The following FAM13B variants were observed in gnomAD, a reference collection of about 807,000 sequenced individuals.
FAM13B encodes the protein family with sequence similarity 13 member B.
Under a neutral mutation model 117.3 loss-of-function variants are expected in FAM13B, and 60 were observed. The observed-to-expected ratio is 0.51, with a 90% CI of 0.42 to 0.63. The LOEUF is 0.63. Ranked by LOEUF, FAM13B falls within the 30% of genes least tolerant of loss-of-function variation. The pLI, the probability that FAM13B is intolerant of heterozygous loss-of-function variation, is 0.00. For missense variants in FAM13B, 972 were observed against 1,091.9 expected (o/e 0.89, Z 1.55); for synonymous variants, 332 against 356.1 (o/e 0.93, Z 0.76).
intron 7 of FAM13B, among the ~76,000 whole-genome samples, chr5:138,000,924 TGTCTC>T (rs1302262538): frequency 1.4e-4 from 17 of 121,112 alleles, no homozygotes; most frequent in African/African-American, 5.4e-4. Flanking sequence ...AGCAAGACAC[TGTCTC>T]AAAAAACAAA....
Position 137,954,150 on chromosome 5 carries a change from C to T in FAM13B, c.1718+16G>A, listed in dbSNP as rs1489472487. Reference sequence around the variant, plus strand: ...TAATAGGAATTGCCTCTTGTAAGTACATAAAAATCATATACCTAGTAAAAG... The same window carrying T: ...TAATAGGAATTGCCTCTTGTAAGTATATAAAAATCATATACCTAGTAAAAG... On this transcript the variant is annotated intron_variant, in intron 15 of 23. Coordinates refer to ENST00000689681, the MANE Select transcript of FAM13B (RefSeq NM_001385994.1). 1.3e-6 allele frequency: 2 copies of T among 1,586,006 alleles called. No individual in the cohort carries two copies. The highest frequency in any genetic ancestry group is 1.4e-5 in the African/African-American group (1 of 73,322).
At chr5:137,962,988 T>C (rs2150313606) in intron 10 of FAM13B, among the ~76,000 whole-genome samples, 1 of 152,212 alleles carries the variant, frequency 6.6e-6, no homozygotes, top group African/African-American at 2.4e-5. Context: ...CCCCCCAAAC[T>C]AAAAACCTAC....
chr5:137,988,685 TGGCCAAATGC>T (rs1252303979), intron 7 of FAM13B, among the ~76,000 whole-genome samples: 1 of 152,230 alleles, frequency 6.6e-6, no homozygotes, highest in Non-Finnish European at 1.5e-5. Flanking sequence ...TTAATTAACT[TGGCCAAATGC>T]ATATGGCCAT....
chr5:137,999,303 C>T (rs901255171), intron 7 of FAM13B, among the ~76,000 whole-genome samples: 3 of 151,962 alleles, frequency 2.0e-5, no homozygotes, highest in Non-Finnish European at 4.4e-5. Context: ...TCTGGCCAGG[C>T]GCAGTGGCTC....
At position 138,041,174 on chromosome 5, in the gene FAM13B, G is replaced by A. The variant is rs193185819; in HGVS notation, c.-203+10704C>T. On this transcript the variant is annotated intron_variant, in intron 1 of 3. Coordinates refer to the FAM13B transcript ENST00000502471. ...AATAGAAGCCAAATGATACTGCAGCGTATCTTCAAAATGTTAAGAGAAAAT... is the reference window on the plus strand; with the variant it reads ...AATAGAAGCCAAATGATACTGCAGCATATCTTCAAAATGTTAAGAGAAAAT... 4.6e-5 allele frequency among the ~76,000 whole-genome samples: 7 copies of A among 152,082 alleles called. No homozygotes were observed. In the East Asian group the frequency reaches 7.7e-4, roughly 17 times the overall value.
chr5:138,002,442 A>G (rs895340074), intron 7 of FAM13B, among the ~76,000 whole-genome samples: 4 of 151,914 alleles, frequency 2.6e-5, no homozygotes, highest in Admixed American at 2.6e-4. Flanking sequence ...GAGGCAGTAG[A>G]ATTGAGAACC....
chr5:137,954,397 A>G, intron 14 of FAM13B, 21 bp from the exon 15 acceptor site: 1 of 1,594,324 alleles, frequency 6.3e-7, no homozygotes, highest in Admixed American at 1.7e-5. Context: ...AACACAAAGA[A>G]TAGTACCATG....
At chr5:138,000,951 A>G (rs1364518252) in intron 7 of FAM13B, among the ~76,000 whole-genome samples, 1 of 151,956 alleles carries the variant, frequency 6.6e-6, no homozygotes, top group African/African-American at 2.4e-5. Flanking sequence ...AACAAAAAAA[A>G]AAAAAACAGC....
At chr5:137,968,622 G>A (rs1251556122) in intron 10 of FAM13B, among the ~76,000 whole-genome samples, 1 of 152,144 alleles carries the variant, frequency 6.6e-6, no homozygotes, top group African/African-American at 2.4e-5. Flanking sequence ...TGGCCGAATA[G>A]GAACGGCTCT....
intron 11 of FAM13B, among the ~76,000 whole-genome samples, chr5:137,961,323 C>T (rs1278252921): frequency 6.8e-6 from 1 of 147,590 alleles, no homozygotes; most frequent in African/African-American, 2.6e-5. Flanking sequence ...AAAACAACAA[C>T]AACAACAACA....
At chr5:138,032,681 G>A in intron 1 of FAM13B, 101 bp downstream of exon 1, 1 of 972,692 alleles carries the variant, frequency 1.0e-6, no homozygotes. Flanking sequence ...CCGAGAGCAG[G>A]CGCGGGTGGC....
At position 138,019,094 on chromosome 5, in the gene FAM13B, G is replaced by A. The variant is rs1434731858; in HGVS notation, c.18C>T (p.Ser6=). The A allele has an allele frequency of 4.3e-6, 7 of 1,613,824 alleles. No homozygotes were observed. The highest frequency in any genetic ancestry group is 5.9e-6 in the Non-Finnish European group (7 of 1,179,972). Residue 6 remains serine (S), a synonymous_variant, in exon 3 of 24, where the codon TCC becomes TCT. Coordinates refer to ENST00000689681, the MANE Select transcript of FAM13B (RefSeq NM_001385994.1). The stretch of plus-strand genomic sequence containing the variant: ...CGGAGTTGCAGTTACTCAAGGAAGG[G>A]GAGGAGCTCTTCCTCATATCTTTTT... MRKSS[S]PSLSNCNSVL... is the part of the protein sequence containing the mutation.
chr5:137,941,807 A>C, intron 23 of FAM13B, 137 bp downstream of exon 23: 1 of 678,662 alleles, frequency 1.5e-6, no homozygotes, highest in Non-Finnish European at 2.5e-6. Flanking sequence ...TCAGAGCATA[A>C]AGGAATGTTT....
chr5:137,985,386 A>C lies in FAM13B; in HGVS notation c.1050T>G (p.Ile350Met). The change falls in exon 10 of 24, where the codon ATT becomes ATG. Residue 350 changes from isoleucine to methionine, a missense_variant. Coordinates refer to ENST00000689681, the MANE Select transcript of FAM13B (RefSeq NM_001385994.1). ...HCDGEGSNNQ[I>M]DIADDIINAS... ...CATTAATAATATCATCAGCAATATC[A>C]ATCCTAGGGATGAAGTTTAAAAATC... The C allele has an allele frequency of 1.9e-6, 3 of 1,613,072 alleles. No individual in the cohort carries two copies. Among genetic ancestry groups the C allele is most frequent in the Non-Finnish European group, 2.5e-6 (3 of 1,179,666 alleles).
intron 1 of FAM13B, among the ~76,000 whole-genome samples, chr5:138,041,449 C>A (rs1791498273): frequency 6.6e-6 from 1 of 151,988 alleles, no homozygotes; most frequent in South Asian, 2.1e-4. Flanking sequence ...GTTAAAATTT[C>A]TACATAATCA....
Position 137,953,323 on chromosome 5 carries a change from G to A in FAM13B, c.1848+13C>T, listed in dbSNP as rs75427683. 2.8e-3 allele frequency: 4,494 copies of A among 1,613,204 alleles called. 78 individuals carry two copies. The African/African-American group carries it at 0.046, about 17-fold the overall frequency. ...TTAGATTAAGCTCACTCTGGGGAATGCTACAAACCTACCTTGCTATTTCTT... is the reference window on the plus strand; with the variant it reads ...TTAGATTAAGCTCACTCTGGGGAATACTACAAACCTACCTTGCTATTTCTT... On this transcript the variant is annotated intron_variant, in intron 16 of 23. Coordinates refer to ENST00000689681, the MANE Select transcript of FAM13B (RefSeq NM_001385994.1).
At chr5:138,015,693 A>C (rs1031352030) in intron 4 of FAM13B, among the ~76,000 whole-genome samples, 1 of 152,162 alleles carries the variant, frequency 6.6e-6, no homozygotes, top group African/African-American at 2.4e-5. Context: ...ACAGAGCAAG[A>C]CTCTGTCTCA....
chr5:137,986,729 T>G (rs1777336466), intron 9 of FAM13B, among the ~76,000 whole-genome samples: 1 of 152,282 alleles, frequency 6.6e-6, no homozygotes, highest in African/African-American at 2.4e-5. Flanking sequence ...AGTTAGCAAC[T>G]GGCTCATAAA....
intron 2 of FAM13B, 28 bp downstream of exon 2, chr5:138,021,003 C>T (rs1206904073): frequency 1.5e-5 from 19 of 1,226,660 alleles, no homozygotes; most frequent in South Asian, 4.2e-5. Flanking sequence ...TTATAGAGCA[C>T]GAGATAGTTA....
Sources: allele counts gnomAD v4.1 joint callset (sites outside exome capture counted in the v4.1 genomes callset), GRCh38; gene constraint gnomAD v4.1.1; transcripts MANE v1.5; gene names NCBI Gene and HGNC (gene_info 2026-07-23, HGNC 2026-07-21).